Variants in MEF2C observed in about 807,000 individuals in gnomAD.
The protein encoded by MEF2C is myocyte-specific enhancer factor 2C.
Under a neutral mutation model 50.5 loss-of-function variants are expected in MEF2C, and 6 were observed. That is an observed-to-expected ratio of 0.12 (90% CI 0.07 to 0.23). The LOEUF (loss-of-function observed/expected upper bound fraction) is 0.23, where lower values mean the gene tolerates loss of function less well. MEF2C is among the 10% of genes least tolerant of loss of function. MEF2C has a pLI of 1.00. For synonymous variants in MEF2C, 183 were observed against 228.0 expected (o/e 0.80, Z 1.78); for missense variants, 276 against 605.0 (o/e 0.46, Z 5.70).
chr5:88,733,811 C>T, intron 6 of MEF2C: 19 of 985,230 alleles, frequency 1.9e-5, no homozygotes, highest in Non-Finnish European at 2.3e-5. Flanking sequence ...AACTGGACAC[C>T]CCCAAAACGT....
At chr5:88,780,668 AT>A (rs1315512013) in intron 3 of MEF2C, 1 of 757,500 alleles carries the variant, frequency 1.3e-6, no homozygotes, top group African/African-American at 1.9e-5. Flanking sequence ...AATGCACAAC[AT>A]ATATATTTCA....
At position 88,768,037 on chromosome 5, in the gene MEF2C, T is replaced by C. The variant is rs376113880; in HGVS notation, c.259-6709A>G. ...CAGGAATGAGCCCACCAATATCTGT[T>C]CCTCCTTCAAAGAGCAGCTGACACA... On this transcript the variant is annotated intron_variant, in intron 3 of 10. Coordinates refer to ENST00000504921, the MANE Select transcript of MEF2C (RefSeq NM_002397.5). Among the ~76,000 whole-genome samples the C allele has an allele frequency of 1.6e-4, 24 of 152,262 alleles. No homozygotes were observed. In the Middle Eastern group the frequency reaches 0.014, roughly 86 times the overall value.
At chr5:88,756,311 C>T (rs1052299731) in intron 4 of MEF2C, among the ~76,000 whole-genome samples, 2 of 152,136 alleles carry the variant, frequency 1.3e-5, no homozygotes, top group African/African-American at 4.8e-5. Context: ...CGCCCTGCTA[C>T]CTTCCCCCCT....
chr5:88,862,171 T>C (rs893655330), intron 1 of MEF2C, among the ~76,000 whole-genome samples: 4 of 152,244 alleles, frequency 2.6e-5, no homozygotes, highest in Admixed American at 6.5e-5. Context: ...ATCCCTGCTC[T>C]TTACATAAAA....
chr5:88,756,095 C>G (rs1424410091), intron 4 of MEF2C, among the ~76,000 whole-genome samples: 2 of 152,080 alleles, frequency 1.3e-5, no homozygotes, highest in Non-Finnish European at 2.9e-5. Context: ...TAAAATATAC[C>G]AAGATCATTT....
At chr5:88,834,298 T>G (rs1814196146) in intron 1 of MEF2C, among the ~76,000 whole-genome samples, 1 of 152,246 alleles carries the variant, frequency 6.6e-6, no homozygotes, top group Non-Finnish European at 1.5e-5. Context: ...TGATTGTAGA[T>G]TTCAGGTTGG....
chr5:88,802,666 C>T (rs992460024), intron 3 of MEF2C, among the ~76,000 whole-genome samples: 1 of 152,134 alleles, frequency 6.6e-6, no homozygotes, highest in African/African-American at 2.4e-5. Flanking sequence ...CCAGGCTGCT[C>T]TCAAACTCCT....
At chr5:88,723,676 C>A (rs1185978504) in intron 10 of MEF2C, among the ~76,000 whole-genome samples, 1 of 152,184 alleles carries the variant, frequency 6.6e-6, no homozygotes, top group South Asian at 2.1e-4. Context: ...ACTTTGTGTT[C>A]CACAATGACC....
chr5:88,800,355 T>G (rs1031166749), intron 3 of MEF2C, among the ~76,000 whole-genome samples: 1 of 152,240 alleles, frequency 6.6e-6, no homozygotes, highest in African/African-American at 2.4e-5. Context: ...TTAATGAGGT[T>G]ATTGTTCCTT....
chr5:88,849,622 A>G (rs2153377067), intron 1 of MEF2C, among the ~76,000 whole-genome samples: 1 of 152,364 alleles, frequency 6.6e-6, no homozygotes, highest in South Asian at 2.1e-4. Flanking sequence ...AGGCAAATGA[A>G]TCTGCAAGCT....
At chr5:88,814,176 C>T (rs1249855584) in intron 2 of MEF2C, among the ~76,000 whole-genome samples, 1 of 152,124 alleles carries the variant, frequency 6.6e-6, no homozygotes, top group Non-Finnish European at 1.5e-5. Context: ...CTCCACCTCC[C>T]TTGTTCCTGA....
intron 7 of MEF2C, chr5:88,731,465 T>C: frequency 2.9e-6 from 1 of 341,802 alleles, no homozygotes; most frequent in Non-Finnish European, 5.4e-6. Context: ...TTGAAAGCCT[T>C]AAAAGAAAAT....
chr5:88,840,126 C>T (rs1317235129), intron 1 of MEF2C, among the ~76,000 whole-genome samples: 1 of 152,148 alleles, frequency 6.6e-6, no homozygotes, highest in Non-Finnish European at 1.5e-5. Flanking sequence ...AAAGATTCCA[C>T]CTCTCCTATT....
At chr5:88,758,856 C>G (rs1306770213) in intron 4 of MEF2C, among the ~76,000 whole-genome samples, 1 of 152,182 alleles carries the variant, frequency 6.6e-6, no homozygotes, top group Non-Finnish European at 1.5e-5. Flanking sequence ...AATCACGTAT[C>G]TTGATCTTGA....
intron 3 of MEF2C, among the ~76,000 whole-genome samples, chr5:88,797,580 T>C (rs1007613573): frequency 6.7e-6 from 1 of 149,724 alleles, no homozygotes; most frequent in African/African-American, 2.5e-5. Flanking sequence ...AGCACACAGA[T>C]GGGTCTTGAC....
rs1321240670 is a variant in MEF2C, at chr5:88,721,264, T to C, written c.*1340A>G. On this transcript the variant is annotated 3_prime_UTR_variant, in exon 11 of 11. Transcript: ENST00000504921. ...TGCACTTACTGAATTCCAAGATGCA[T>C]GGTGAAATGGTGAGATCAGAAAGGG... 1 of 152,566 alleles carries C rather than the reference T, an allele frequency of 6.6e-6. No homozygotes were observed. The highest frequency in any genetic ancestry group is 1.5e-5 in the Non-Finnish European group (1 of 68,014). The allele number at this position is 152,566 out of a possible 1,614,324, so 9.5% of individuals were successfully genotyped here.
chr5:88,748,194 C>T, intron 6 of MEF2C: 2 of 983,704 alleles, frequency 2.0e-6, no homozygotes, highest in South Asian at 4.7e-5. Flanking sequence ...AATTAGCAGG[C>T]TATTCTACTT....
chr5:88,873,522 T>C (rs1012541080), intron 1 of MEF2C, among the ~76,000 whole-genome samples: 1 of 151,948 alleles, frequency 6.6e-6, no homozygotes, highest in African/African-American at 2.4e-5. Context: ...CTCTGATTTT[T>C]TTGAAGCTAT....
At chr5:88,734,561 GTTTGTTTTTTTTTTTTTTT>G in intron 6 of MEF2C, 56 of 253,858 alleles carry the variant, frequency 2.2e-4, no homozygotes, top group Non-Finnish European at 2.6e-4. Flanking sequence ...CTTGAGAAAA[GTTTGTTTTTTTTTTTTTTT>G]TTTTTTTTTT....
Sources: allele counts gnomAD v4.1 joint callset (sites outside exome capture counted in the v4.1 genomes callset), GRCh38; gene constraint gnomAD v4.1.1; transcripts MANE v1.5; gene names NCBI Gene and HGNC (gene_info 2026-07-23, HGNC 2026-07-21).